Variants in TNNI3K observed in about 807,000 individuals in gnomAD.
TNNI3K encodes the protein serine/threonine-protein kinase TNNI3K.
A neutral mutation model predicts 114.5 loss-of-function variants in TNNI3K; 140 were observed. That is an observed-to-expected ratio of 1.22 (90% CI 1.07 to 1.41). TNNI3K has a LOEUF of 1.41. Ranked by LOEUF, TNNI3K falls within the 40% of genes most tolerant of loss-of-function variation. The pLI is 0.00. For missense variants in TNNI3K, 1,125 were observed against 1,007.6 expected (o/e 1.12, Z -1.58); for synonymous variants, 347 against 347.5 (o/e 1.00, Z 0.02).
chr1:74,451,652 T>C (rs1327311802), intron 20 of TNNI3K, among the ~76,000 whole-genome samples: 2 of 89,058 alleles, frequency 2.2e-5, no homozygotes, highest in Admixed American at 1.4e-4. Flanking sequence ...CTTTCTTTCC[T>C]TTCTTTTTTC....
chr1:74,282,267 C>T (rs1259224671), intron 5 of TNNI3K, among the ~76,000 whole-genome samples: 1 of 152,026 alleles, frequency 6.6e-6, no homozygotes, highest in Admixed American at 6.6e-5. Flanking sequence ...GGCCCATCTG[C>T]TACTTATCAC....
At chr1:74,260,508 A>G (rs915586925) in intron 4 of TNNI3K, among the ~76,000 whole-genome samples, 1 of 152,166 alleles carries the variant, frequency 6.6e-6, no homozygotes, top group Non-Finnish European at 1.5e-5. Flanking sequence ...TAACCTCTAA[A>G]ATGAAGCAGA....
intron 4 of TNNI3K, among the ~76,000 whole-genome samples, chr1:74,267,772 G>A (rs1570395653): frequency 6.6e-6 from 1 of 151,996 alleles, no homozygotes; most frequent in East Asian, 1.9e-4. Context: ...ACCAAGGTAT[G>A]AAAGGATAAA....
chr1:74,287,081 A>G (rs1657375136), intron 5 of TNNI3K, among the ~76,000 whole-genome samples: 1 of 147,468 alleles, frequency 6.8e-6, no homozygotes, highest in Non-Finnish European at 1.5e-5. Flanking sequence ...GAGAACTTCA[A>G]CACAAACTTG....
intron 4 of TNNI3K, among the ~76,000 whole-genome samples, chr1:74,269,071 G>C (rs1266290482): frequency 6.6e-6 from 1 of 151,812 alleles, no homozygotes; most frequent in African/African-American, 2.4e-5. Flanking sequence ...CACTAGCTAT[G>C]TTTCATATTT....
intron 5 of TNNI3K, among the ~76,000 whole-genome samples, chr1:74,290,875 C>T (rs1009215826): frequency 6.6e-6 from 1 of 151,656 alleles, no homozygotes; most frequent in Non-Finnish European, 1.5e-5. Flanking sequence ...TCATGTATGT[C>T]TTTTTCAAAT....
chr1:74,471,305 G>T, intron 21 of TNNI3K: 1 of 400,662 alleles, frequency 2.5e-6, no homozygotes. Flanking sequence ...CTCTCTGACT[G>T]TTGAAGAAAA....
chr1:74,349,179 C>G (rs1478225436), intron 9 of TNNI3K, among the ~76,000 whole-genome samples: 1 of 152,096 alleles, frequency 6.6e-6, no homozygotes, highest in Non-Finnish European at 1.5e-5. Context: ...CCATCAATAC[C>G]TAATTTATTG....
At chr1:74,343,690 A>G (rs949758286) in intron 9 of TNNI3K, among the ~76,000 whole-genome samples, 1 of 152,194 alleles carries the variant, frequency 6.6e-6, no homozygotes, top group Non-Finnish European at 1.5e-5. Flanking sequence ...CAGATACCTA[A>G]GAAAGCATCA....
Position 74,436,393 on chromosome 1 carries a change from G to A in TNNI3K, c.1826-81G>A. 1.4e-6 allele frequency: 2 copies of A among 1,449,820 alleles called. 1 individual carries two copies. The allele number at this position is 1,449,820 out of a possible 1,614,324, so 89.8% of individuals were successfully genotyped here. On this transcript the variant is annotated intron_variant, in intron 18 of 24. Coordinates refer to ENST00000326637, the MANE Select transcript of TNNI3K (RefSeq NM_015978.3). Reference sequence around the variant, plus strand: ...TTTGAATAAGACAGAAGTCTCTTGAGGTTTCAAAATTTTAACTGTGATCTT... The same window carrying A: ...TTTGAATAAGACAGAAGTCTCTTGAAGTTTCAAAATTTTAACTGTGATCTT...
At position 74,470,302 on chromosome 1, in the gene TNNI3K, C is replaced by T. The variant is rs1008379442; in HGVS notation, c.2121+6752C>T. ...AGTTTGCTGCCTTTCTTTTGTGATG[C>T]CTTTTAAGGTCATTTGTGAGATCTG... On this transcript the variant is annotated intron_variant, in intron 21 of 24. Transcript: ENST00000326637. 10 of 400,494 alleles carry T rather than the reference C, an allele frequency of 2.5e-5. 1 individual carries two copies. Among genetic ancestry groups the T allele is most frequent in the African/African-American group, 6.2e-5 (3 of 48,678 alleles). The allele number at this position is 400,494 out of a possible 1,614,324, so 24.8% of individuals were successfully genotyped here.
At chr1:74,261,019 A>G (rs1655629905) in intron 4 of TNNI3K, among the ~76,000 whole-genome samples, 1 of 152,144 alleles carries the variant, frequency 6.6e-6, no homozygotes, top group Admixed American at 6.5e-5. Context: ...AGTTTATTAC[A>G]AATATGATTA....
At chr1:74,346,122 A>G (rs1660987534) in intron 9 of TNNI3K, 1 of 152,190 alleles carries the variant, frequency 6.6e-6, no homozygotes, top group South Asian at 2.1e-4. Flanking sequence ...GGTATTGTCT[A>G]TTATAGTTTT....
At chr1:74,391,954 ATTATTTTTTTT>A (rs1663795464) in intron 17 of TNNI3K, among the ~76,000 whole-genome samples, 1 of 93,260 alleles carries the variant, frequency 1.1e-5, no homozygotes, top group African/African-American at 5.7e-5. Context: ...GGTACAGCTT[ATTATTTTTTTT>A]TTTTTTTTTT....
intron 11 of TNNI3K, among the ~76,000 whole-genome samples, chr1:74,361,803 A>G (rs914337813): frequency 1.3e-5 from 2 of 152,054 alleles, no homozygotes; most frequent in African/African-American, 4.8e-5. Flanking sequence ...CACAATGAAT[A>G]TTTGAGGAAG....
chr1:74,475,441 C>T (rs1361108087), intron 21 of TNNI3K: 3 of 717,156 alleles, frequency 4.2e-6, no homozygotes, highest in Non-Finnish European at 7.8e-6. Context: ...AGGCTCTGAA[C>T]ATTCCGAATG....
Position 74,250,665 on chromosome 1 carries a change from CT to C in TNNI3K, c.236-4del. 6.2e-7 allele frequency: 1 copy of C among 1,605,862 alleles called. No individual in the cohort carries two copies. ...TGATTTAGCCTTTTTTCATTTTTCT[CT>C]TTAAGGCAAGAAATCACATATTCGA... On this transcript the variant is annotated splice_region_variant and splice_polypyrimidine_tract_variant and intron_variant, in intron 3 of 24. Transcript: ENST00000326637.
intron 17 of TNNI3K, 83 bp from the exon 18 acceptor site, chr1:74,435,997 G>T: frequency 6.5e-7 from 1 of 1,530,388 alleles, no homozygotes; most frequent in Non-Finnish European, 8.8e-7. Flanking sequence ...GATGTCTATG[G>T]TCCTCTTCTT....
rs573920847 is a variant in TNNI3K at position 74,419,295 on chromosome 1, T to G, written c.1773-16785T>G. 7.5e-4 allele frequency among the ~76,000 whole-genome samples: 114 copies of G among 152,214 alleles called. 1 individual carries two copies. Among genetic ancestry groups the G allele is most frequent in the African/African-American group, 2.6e-3 (106 of 41,562 alleles). On this transcript the variant is annotated intron_variant, in intron 17 of 24. Transcript: ENST00000326637. ...CAATCTCTTATAAGAACACTTGTCA[T>G]TGGATTTAGGACCCATCCAGATAAT... is the stretch of plus-strand genomic sequence containing the variant.
Sources: gnomAD v4.1 joint callset for allele counts (sites outside exome capture counted in the v4.1 genomes callset) on GRCh38, gnomAD v4.1.1 for gene constraint, MANE v1.5 for transcripts, NCBI Gene and HGNC (gene_info 2026-07-23, HGNC 2026-07-21) for gene names.